The following PARD3B variants were observed in gnomAD, a reference collection of about 807,000 sequenced individuals.
PARD3B encodes partitioning defective 3 homolog B.
A neutral mutation model predicts 130.2 loss-of-function variants in PARD3B; 103 were observed. That is an observed-to-expected ratio of 0.79 (90% CI 0.67 to 0.93). The LOEUF is 0.93. Among genes scored for constraint, PARD3B ranks in the 40% least tolerant of loss-of-function variants. The probability of loss-of-function intolerance (pLI) is 0.00; values close to 1 mark genes in which losing one functional copy is unlikely to be tolerated. For synonymous variants in PARD3B, 583 were observed against 553.2 expected (o/e 1.05, Z -0.76); for missense variants, 1,609 against 1,499.2 (o/e 1.07, Z -1.21).
At chr2:204,782,962 AT>A in intron 2 of PARD3B, among the ~76,000 whole-genome samples, 1 of 152,154 alleles carries the variant, frequency 6.6e-6, no homozygotes, top group Middle Eastern at 3.4e-3. Context: ...ATTATTCTTT[AT>A]CACTTTCAAA....
chr2:204,660,734 T>G (rs2035780180), intron 1 of PARD3B, among the ~76,000 whole-genome samples: 1 of 152,212 alleles, frequency 6.6e-6, no homozygotes, highest in Non-Finnish European at 1.5e-5. Context: ...GAAATTATTT[T>G]TTTGTTTTTC....
At chr2:204,693,091 C>CA (rs981613758) in intron 2 of PARD3B, among the ~76,000 whole-genome samples, 4 of 152,016 alleles carry the variant, frequency 2.6e-5, no homozygotes, top group Non-Finnish European at 4.4e-5. Flanking sequence ...CTTCCATTGA[C>CA]ATCCTTGTTT....
At chr2:205,600,418 C>A (rs1575457488) in intron 22 of PARD3B, among the ~76,000 whole-genome samples, 1 of 152,112 alleles carries the variant, frequency 6.6e-6, no homozygotes, top group Non-Finnish European at 1.5e-5. Context: ...CCACATCACC[C>A]CCATGTTCCT....
At chr2:204,551,104 A>G (rs1478685125) in intron 1 of PARD3B, among the ~76,000 whole-genome samples, 1 of 152,316 alleles carries the variant, frequency 6.6e-6, no homozygotes, top group East Asian at 1.9e-4. Context: ...TCTGCTACTC[A>G]GCTTGCATTG....
At position 205,158,590 on chromosome 2, in the gene PARD3B, A is replaced by G. The variant is rs1031780306; in HGVS notation, c.1435-132A>G. On this transcript the variant is annotated intron_variant, in intron 10 of 22. Transcript: ENST00000406610. This position sits in a 1 kb window ranked among gnomAD's most constrained non-coding sequence, Gnocchi z 5.4. ...GAGCTAAACCCAGCCTTTGCCTGCC[A>G]GGAGCCGATTACAGCTGTGAGAGGT... 4 of 910,934 alleles carry G rather than the reference A, an allele frequency of 4.4e-6. No homozygotes were observed. Among genetic ancestry groups the G allele is most frequent in the South Asian group, 1.8e-5 (1 of 57,000 alleles). 56.4% of individuals were successfully genotyped at this position (910,934 alleles called of 1,614,324 possible). A position where few individuals can be genotyped will look rare whatever the true frequency, so the allele number is the denominator to read the frequency against.
rs10179556 is a variant in PARD3B at position 205,463,377 on chromosome 2, C to T, written c.3044+22705C>T. On this transcript the variant is annotated intron_variant, in intron 20 of 22. Coordinates refer to ENST00000406610, the MANE Select transcript of PARD3B (RefSeq NM_001302769.2). The surrounding 1 kb of genome is among the most constrained non-coding windows in gnomAD (Gnocchi z 4.8). ...CATGGCCTGGCCAGGCACTGCCTTG[C>T]GGCCCTTCCAAAGGTGGCAGAATGA... Among the ~76,000 whole-genome samples, 3 of 150,068 alleles carry T rather than the reference C, an allele frequency of 2.0e-5. No individual in the cohort carries two copies. The highest frequency in any genetic ancestry group is 3.0e-5 in the Non-Finnish European group (2 of 67,768).
chr2:204,560,405 C>T (rs1417165886), intron 1 of PARD3B, among the ~76,000 whole-genome samples: 1 of 152,116 alleles, frequency 6.6e-6, no homozygotes, highest in African/African-American at 2.4e-5. Flanking sequence ...ATAGATTTAA[C>T]AGGCATAGAG....
intron 10 of PARD3B, among the ~76,000 whole-genome samples, chr2:205,131,106 A>G (rs2031958516): frequency 6.6e-6 from 1 of 152,180 alleles, no homozygotes. Context: ...TTTAAATGAT[A>G]TATTATTTCA....
chr2:204,749,855 T>A (rs1374493841), intron 2 of PARD3B, among the ~76,000 whole-genome samples: 2 of 152,226 alleles, frequency 1.3e-5, no homozygotes. Context: ...TGGCTCTGAT[T>A]TTTCTTTTTT....
At chr2:204,698,874 C>T (rs1375828520) in intron 2 of PARD3B, among the ~76,000 whole-genome samples, 2 of 152,000 alleles carry the variant, frequency 1.3e-5, no homozygotes, top group Non-Finnish European at 2.9e-5. Context: ...GTCGCTTCAA[C>T]TGGGTGCAAT....
At chr2:204,909,124 C>A (rs1415199220) in intron 2 of PARD3B, among the ~76,000 whole-genome samples, 2 of 152,038 alleles carry the variant, frequency 1.3e-5, no homozygotes, top group African/African-American at 4.8e-5. Context: ...AGGAACCATG[C>A]AGATCATCAA....
At chr2:204,949,393 C>T (rs1689587014) in intron 2 of PARD3B, among the ~76,000 whole-genome samples, 1 of 152,046 alleles carries the variant, frequency 6.6e-6, no homozygotes, top group Non-Finnish European at 1.5e-5. Flanking sequence ...ACACAGCTTA[C>T]TGCAGCCTTG....
chr2:205,406,659 C>CCTT, intron 19 of PARD3B, among the ~76,000 whole-genome samples: 1 of 87,466 alleles, frequency 1.1e-5, no homozygotes, highest in South Asian at 4.0e-4. Flanking sequence ...TCTTGTGTAT[C>CCTT]TTTTTTTTTT....
At chr2:205,514,320 AAC>A (rs1020688899) in intron 21 of PARD3B, among the ~76,000 whole-genome samples, 1 of 152,102 alleles carries the variant, frequency 6.6e-6, no homozygotes, top group Admixed American at 6.6e-5. Context: ...CCAATGCAGG[AAC>A]ACACACACTT....
chr2:205,353,505 G>A (rs1291991317), intron 18 of PARD3B, among the ~76,000 whole-genome samples: 1 of 151,986 alleles, frequency 6.6e-6, no homozygotes, highest in Non-Finnish European at 1.5e-5. Context: ...CTTAAAAAAT[G>A]ACCTCTTTGT....
At chr2:205,379,539 T>C (rs1440325911) in intron 18 of PARD3B, among the ~76,000 whole-genome samples, 3 of 152,142 alleles carry the variant, frequency 2.0e-5, no homozygotes, top group Non-Finnish European at 2.9e-5. Context: ...AAAGAGAAGA[T>C]ATGAGCTATT....
At chr2:204,852,558 A>G (rs1470989782) in intron 2 of PARD3B, among the ~76,000 whole-genome samples, 1 of 150,504 alleles carries the variant, frequency 6.6e-6, no homozygotes, top group African/African-American at 2.5e-5. Flanking sequence ...CTGGAAAAAA[A>G]ATCTATACAC....
chr2:205,382,040 G>T (rs1255824714), intron 18 of PARD3B, among the ~76,000 whole-genome samples: 1 of 152,006 alleles, frequency 6.6e-6, no homozygotes, highest in Non-Finnish European at 1.5e-5. Flanking sequence ...AGTGCGTAAC[G>T]ATGGTACAGA....
At chr2:205,424,862 T>C (rs1186102186) in intron 19 of PARD3B, among the ~76,000 whole-genome samples, 1 of 152,180 alleles carries the variant, frequency 6.6e-6, no homozygotes, top group Non-Finnish European at 1.5e-5. Context: ...AAAATTTTAA[T>C]ACAGAAAACT....
Sources: allele counts gnomAD v4.1 joint callset (sites outside exome capture counted in the v4.1 genomes callset), GRCh38; gene constraint gnomAD v4.1.1; non-coding constraint Gnocchi (gnomAD v3.1); transcripts MANE v1.5; gene names NCBI Gene and HGNC (gene_info 2026-07-23, HGNC 2026-07-21).